The following OR51B5 variants were observed in gnomAD, a reference collection of about 807,000 sequenced individuals.
OR51B5 encodes olfactory receptor 51B5.
For synonymous variants in OR51B5, 186 were observed against 144.8 expected (o/e 1.28, Z -2.04); for missense variants, 456 against 374.6 (o/e 1.22, Z -1.79).
chr11:5,394,171 A>G (rs946404101), intron 1 of OR51B5, among the ~76,000 whole-genome samples: 1 of 152,082 alleles, frequency 6.6e-6, no homozygotes, highest in Non-Finnish European at 1.5e-5. Context: ...TTTTAAGCAC[A>G]TATTATAACC....
intron 1 of OR51B5, among the ~76,000 whole-genome samples, chr11:5,485,070 CTA>C (rs1263353737): frequency 1.3e-5 from 2 of 152,132 alleles, no homozygotes; most frequent in East Asian, 3.9e-4. Flanking sequence ...GGTACCCTAA[CTA>C]TGATTTCAAA....
At chr11:5,394,889 T>A (rs1849844282) in intron 1 of OR51B5, among the ~76,000 whole-genome samples, 1 of 152,212 alleles carries the variant, frequency 6.6e-6, no homozygotes, top group Non-Finnish European at 1.5e-5. Flanking sequence ...TTTACATACT[T>A]GCTCAGTGAA....
chr11:5,416,640 A>G (rs1244788054), intron 1 of OR51B5, among the ~76,000 whole-genome samples: 5 of 147,182 alleles, frequency 3.4e-5, no homozygotes, highest in Non-Finnish European at 6.0e-5. Flanking sequence ...ATAATAGACA[A>G]ACAGAGAGCC....
intron 1 of OR51B5, chr11:5,362,726 GT>G: frequency 4.4e-6 from 1 of 225,794 alleles, no homozygotes; most frequent in Non-Finnish European, 9.2e-6. Context: ...CTGGTTCTTT[GT>G]TTACGAGGTC....
At chr11:5,395,287 G>A (rs1413940720) in intron 1 of OR51B5, among the ~76,000 whole-genome samples, 1 of 152,176 alleles carries the variant, frequency 6.6e-6, no homozygotes, top group Non-Finnish European at 1.5e-5. Flanking sequence ...GGAAGATGCT[G>A]GCATGGAGTG....
chr11:5,413,729 G>C lies in OR51B5; in HGVS notation n.85-66819C>G, dbSNP rs574473783. On this transcript the variant is annotated intron_variant and non_coding_transcript_variant, in intron 1 of 4. Transcript: ENST00000415970. ...GAAATGAAGCAAGAAGAGAAGTTTA[G>C]AGAAAAAAGAATAAAAAGAAACGAG... Among the ~76,000 whole-genome samples the C allele has an allele frequency of 2.0e-5, 3 of 152,178 alleles. No homozygotes were observed. In the East Asian group the frequency reaches 5.8e-4, roughly 29 times the overall value.
intron 1 of OR51B5, among the ~76,000 whole-genome samples, chr11:5,472,449 C>A (rs1379655651): frequency 6.6e-6 from 1 of 152,028 alleles, no homozygotes; most frequent in Admixed American, 6.6e-5. Context: ...GGAGAAATAC[C>A]AAGTACTGCA....
intron 1 of OR51B5, chr11:5,453,960 C>T (rs202157321): frequency 6.2e-7 from 1 of 1,614,076 alleles, no homozygotes; most frequent in Non-Finnish European, 8.5e-7. Flanking sequence ...CACCCTTTTC[C>T]CTCTTCCCTT....
intron 1 of OR51B5, chr11:5,403,062 C>CATTT (rs1461947635): frequency 6.4e-6 from 3 of 471,638 alleles, no homozygotes; most frequent in South Asian, 4.6e-5. Flanking sequence ...TACTGAAAAG[C>CATTT]ATTATGCTCA....
chr11:5,384,302 G>T (rs957590535), intron 1 of OR51B5, among the ~76,000 whole-genome samples: 1 of 152,076 alleles, frequency 6.6e-6, no homozygotes, highest in Non-Finnish European at 1.5e-5. Flanking sequence ...CTTCCAAGTT[G>T]CCAGGATTAT....
intron 1 of OR51B5, among the ~76,000 whole-genome samples, chr11:5,411,604 A>C (rs1264185484): frequency 6.6e-6 from 1 of 152,238 alleles, no homozygotes; most frequent in Non-Finnish European, 1.5e-5. Context: ...CTGTAAGAAA[A>C]GTCCACATCC....
Position 5,380,002 on chromosome 11 carries a change from T to A in OR51B5, n.85-33092A>T, listed in dbSNP as rs371658345. Among the ~76,000 whole-genome samples the A allele has an allele frequency of 6.4e-3, 891 of 139,614 alleles. 8 individuals are homozygous for A. Among genetic ancestry groups the A allele is most frequent in the African/African-American group, 0.023 (838 of 37,218 alleles). The allele number at this position is 139,614 out of a possible 152,430, so 91.6% of individuals were successfully genotyped here. A position where few individuals can be genotyped will look rare whatever the true frequency, so the allele number is the denominator to read the frequency against. The stretch of plus-strand genomic sequence containing the variant: ...CAAACAAAACTTTAAAAAAAAAAAA[T>A]AAGCTACCCAGACTCAGGTACTCTG... On this transcript the variant is annotated intron_variant and non_coding_transcript_variant, in intron 1 of 4. Transcript: ENST00000415970.
At chr11:5,436,683 A>C (rs1850600546) in intron 1 of OR51B5, among the ~76,000 whole-genome samples, 1 of 152,236 alleles carries the variant, frequency 6.6e-6, no homozygotes, top group Non-Finnish European at 1.5e-5. Flanking sequence ...TAAATTGTGC[A>C]CAACTATGCA....
intron 1 of OR51B5, among the ~76,000 whole-genome samples, chr11:5,393,581 T>C (rs920944743): frequency 9.2e-5 from 14 of 152,212 alleles, no homozygotes; most frequent in Non-Finnish European, 1.6e-4. Flanking sequence ...TAAAAAGTTA[T>C]ATACGATTAT....
downstream of OR51B5, chr11:5,341,302 A>G (rs1405551049): frequency 1.3e-5 from 2 of 151,844 alleles, no homozygotes; most frequent in East Asian, 3.9e-4. Context: ...ATGGCCTGCT[A>G]CCTAAGGAGC....
chr11:5,403,073 T>G, intron 1 of OR51B5: 1 of 471,642 alleles, frequency 2.1e-6, no homozygotes, highest in South Asian at 1.5e-5. Context: ...ATTATGCTCA[T>G]GGCTCCGTTG....
chr11:5,497,051 A>ATTT (rs1851661131), intron 1 of OR51B5, among the ~76,000 whole-genome samples: 2 of 149,330 alleles, frequency 1.3e-5, no homozygotes, highest in African/African-American at 4.9e-5. Flanking sequence ...TTAAAAAAAA[A>ATTT]AAAAAAAAAA....
chr11:5,478,131 G>C (rs1851346459), intron 1 of OR51B5, among the ~76,000 whole-genome samples: 1 of 151,544 alleles, frequency 6.6e-6, no homozygotes, highest in Non-Finnish European at 1.5e-5. Context: ...TTTGAAGAGA[G>C]CAGTGGTTCT....
chr11:5,486,836 A>G (rs1590024504), intron 1 of OR51B5, among the ~76,000 whole-genome samples: 2 of 152,076 alleles, frequency 1.3e-5, no homozygotes, highest in East Asian at 3.9e-4. Context: ...CTGCAGTAAA[A>G]TCGTGTTTCT....
Sources: gnomAD v4.1 joint callset for allele counts (sites outside exome capture counted in the v4.1 genomes callset) on GRCh38, gnomAD v4.1.1 for gene constraint, MANE v1.5 for transcripts, NCBI Gene and HGNC (gene_info 2026-07-23, HGNC 2026-07-21) for gene names.